IL1RAPL1: variants seen among roughly 807,000 people sequenced by gnomAD.
IL1RAPL1 encodes the protein interleukin 1 receptor accessory protein like 1.
Under a neutral mutation model 48.4 loss-of-function variants are expected in IL1RAPL1, and 3 were observed. That is an observed-to-expected ratio of 0.06 (90% CI 0.03 to 0.16). The LOEUF (loss-of-function observed/expected upper bound fraction) is 0.16, where lower values mean the gene tolerates loss of function less well. Ranked by LOEUF, IL1RAPL1 falls within the 10% of genes least tolerant of loss-of-function variation. The probability of loss-of-function intolerance (pLI) is 1.00; values close to 1 mark genes in which losing one functional copy is unlikely to be tolerated. For missense variants in IL1RAPL1, 349 were observed against 530.6 expected, an observed-to-expected ratio of 0.66 and a Z score of 3.36; for synonymous variants, 185 against 187.7, an observed-to-expected ratio of 0.99 and a Z score of 0.12.
At chrX:29,510,785 A>C (rs1935385970) in intron 5 of IL1RAPL1, among the ~76,000 whole-genome samples, 1 of 111,663 alleles carries the variant, frequency 9.0e-6, no homozygotes. Context: ...CACCATACTT[A>C]TCCTACATAT....
intron 2 of IL1RAPL1, among the ~76,000 whole-genome samples, chrX:29,141,273 A>T (rs1929238322): frequency 9.0e-6 from 1 of 110,884 alleles, no homozygotes; most frequent in Admixed American, 9.7e-5. Flanking sequence ...TTGATTGTGA[A>T]TGTTACCGCA....
intron 6 of IL1RAPL1, among the ~76,000 whole-genome samples, chrX:29,716,674 T>G (rs1251392474): frequency 8.9e-6 from 1 of 111,844 alleles, no homozygotes; most frequent in Non-Finnish European, 1.9e-5. Context: ...GCTGTCACTA[T>G]TCTTTTTTAC....
At chrX:28,931,851 C>T (rs1014122735) in intron 2 of IL1RAPL1, among the ~76,000 whole-genome samples, 6 of 108,584 alleles carry the variant, frequency 5.5e-5, no homozygotes, top group Admixed American at 3.0e-4. Context: ...TCCTTGCTAA[C>T]GTGGTGAAAC....
chrX:29,404,268 A>G lies in IL1RAPL1; in HGVS notation c.703+4960A>G, dbSNP rs138180537. Among the ~76,000 whole-genome samples the G allele has an allele frequency of 3.6e-3, 398 of 111,876 alleles. 2 individuals carry two copies. Among genetic ancestry groups the G allele is most frequent in the African/African-American group, 0.012 (375 of 30,815 alleles). ...TGGAAACAACTGATCTTTTTACCAT[A>G]ACTATAGTTTTGCTTTTTCCAGAAT... On this transcript the variant is annotated intron_variant, in intron 5 of 10. Transcript: ENST00000378993.
chrX:29,625,834 A>G (rs1194146201), intron 5 of IL1RAPL1, among the ~76,000 whole-genome samples: 1 of 111,992 alleles, frequency 8.9e-6, no homozygotes, highest in Non-Finnish European at 1.9e-5. Context: ...TTGAAAGGAC[A>G]GAGGGGTAGC....
chrX:28,761,564 G>T (rs933708612), intron 1 of IL1RAPL1, among the ~76,000 whole-genome samples: 1 of 111,141 alleles, frequency 9.0e-6, no homozygotes, highest in Non-Finnish European at 1.9e-5. Flanking sequence ...CATAAAGATG[G>T]GAACAGTAGG....
intron 1 of IL1RAPL1, among the ~76,000 whole-genome samples, chrX:28,758,935 A>G (rs1936134534): frequency 1.8e-5 from 2 of 112,215 alleles, no homozygotes; most frequent in African/African-American, 6.5e-5. Flanking sequence ...CACACTCCAT[A>G]AAATAGTATA....
intron 5 of IL1RAPL1, among the ~76,000 whole-genome samples, chrX:29,586,018 T>C: frequency 9.0e-6 from 1 of 111,728 alleles, no homozygotes; most frequent in Admixed American, 9.6e-5. Context: ...TTGTTTTTTG[T>C]TGTTGTTGTC....
At chrX:29,438,415 A>G (rs918673305) in intron 5 of IL1RAPL1, among the ~76,000 whole-genome samples, 3 of 110,694 alleles carry the variant, frequency 2.7e-5, no homozygotes, top group African/African-American at 6.5e-5. Flanking sequence ...TCCTCTGTGC[A>G]GTGTGCTTTG....
At chrX:29,747,766 A>T (rs181557647) in intron 6 of IL1RAPL1, among the ~76,000 whole-genome samples, 167 of 112,805 alleles carry the variant, frequency 1.5e-3, no homozygotes, top group Non-Finnish European at 2.5e-3. Context: ...AAATTAATTC[A>T]TAAGCTATTT....
At chrX:29,139,609 T>C in intron 2 of IL1RAPL1, among the ~76,000 whole-genome samples, 2 of 111,380 alleles carry the variant, frequency 1.8e-5, no homozygotes, top group Admixed American at 1.9e-4. Context: ...TTTAACAGCA[T>C]TGATTTACTT....
At chrX:29,659,801 A>T (rs1925788057) in intron 5 of IL1RAPL1, among the ~76,000 whole-genome samples, 1 of 111,669 alleles carries the variant, frequency 9.0e-6, no homozygotes, top group Non-Finnish European at 1.9e-5. Flanking sequence ...TTCTCTGATG[A>T]AGATTTTTGC....
intron 6 of IL1RAPL1, among the ~76,000 whole-genome samples, chrX:29,695,305 A>G (rs1926879462): frequency 8.9e-6 from 1 of 111,754 alleles, no homozygotes; most frequent in Non-Finnish European, 1.9e-5. Flanking sequence ...TATGATGGTA[A>G]GACTCATAGT....
rs201165375 is a variant in IL1RAPL1, at chrX:28,738,175, TTA to T, written c.-24-51144_-24-51143del. ...TCTTCCAAATATCTAATCTCTTTTT[TTA>T]AAAAAAAAAAATCTTAGAACATTAT... On this transcript the variant is annotated intron_variant, in intron 1 of 10. Coordinates refer to ENST00000378993, the MANE Select transcript of IL1RAPL1 (RefSeq NM_014271.4). Among the ~76,000 whole-genome samples, 996 of 109,500 alleles carry T rather than the reference TTA, an allele frequency of 9.1e-3. 12 individuals are homozygous for T. The highest frequency in any genetic ancestry group is 0.032 in the African/African-American group (930 of 29,180).
intron 2 of IL1RAPL1, among the ~76,000 whole-genome samples, chrX:28,996,284 A>G (rs773739654): frequency 6.0e-4 from 67 of 111,764 alleles, no homozygotes; most frequent in African/African-American, 2.0e-3. Flanking sequence ...TATGGCATCT[A>G]TCGGTACTTC....
chrX:29,525,634 A>C (rs747254263), intron 5 of IL1RAPL1, among the ~76,000 whole-genome samples: 8 of 112,159 alleles, frequency 7.1e-5, no homozygotes, highest in Non-Finnish European at 1.3e-4. Flanking sequence ...AAGCCCCACA[A>C]GGAGGTTATT....
chrX:29,803,976 G>A (rs1350723780), intron 6 of IL1RAPL1, among the ~76,000 whole-genome samples: 2 of 111,126 alleles, frequency 1.8e-5, no homozygotes, highest in African/African-American at 6.5e-5. Context: ...CTTGATTATA[G>A]TTTTAAGATG....
intron 6 of IL1RAPL1, among the ~76,000 whole-genome samples, chrX:29,901,772 G>A (rs1932500582): frequency 8.9e-6 from 1 of 111,790 alleles, no homozygotes; most frequent in South Asian, 3.7e-4. Context: ...AGATGAGAAA[G>A]CACTGTAAGA....
chrX:29,073,478 A>G (rs1927608136), intron 2 of IL1RAPL1, among the ~76,000 whole-genome samples: 1 of 111,584 alleles, frequency 9.0e-6, no homozygotes. Flanking sequence ...CTCATCATTT[A>G]TCTATTATTC....
Sources: allele counts gnomAD v4.1 joint callset (sites outside exome capture counted in the v4.1 genomes callset), GRCh38; gene constraint gnomAD v4.1.1; transcripts MANE v1.5; gene names NCBI Gene and HGNC (gene_info 2026-07-23, HGNC 2026-07-21).